The following CPLX4 variants were observed in gnomAD, a reference collection of about 807,000 sequenced individuals.
The protein encoded by CPLX4 is complexin-4.
In CPLX4, 17 loss-of-function variants were observed where a neutral mutation model predicts 16.1. The ratio of observed to expected loss-of-function variants is 1.06; its 90% confidence interval spans 0.72 to 1.59. The LOEUF is 1.59. CPLX4 is among the 40% of genes most tolerant of loss of function. The probability of loss-of-function intolerance (pLI) is 0.00; values close to 1 mark genes in which losing one functional copy is unlikely to be tolerated. For synonymous variants in CPLX4, 55 were observed against 57.8 expected (o/e 0.95, Z 0.22); for missense variants, 193 against 192.9 (o/e 1.00, Z 0.00).
intron 2 of CPLX4, among the ~76,000 whole-genome samples, chr18:59,308,955 G>C (rs575460118): frequency 7.0e-4 from 107 of 152,376 alleles, no homozygotes; most frequent in African/African-American, 2.4e-3. Flanking sequence ...GTTTGCAAGC[G>C]CAAAGTGTTG....
chr18:59,313,714 C>T (rs1179003160), intron 1 of CPLX4, among the ~76,000 whole-genome samples: 1 of 152,182 alleles, frequency 6.6e-6, no homozygotes, highest in Non-Finnish European at 1.5e-5. Flanking sequence ...AACAGATGAA[C>T]TTGGTAGCCA....
chr18:59,317,983 T>C (rs1170820343), intron 1 of CPLX4, among the ~76,000 whole-genome samples: 3 of 152,132 alleles, frequency 2.0e-5, no homozygotes, highest in African/African-American at 7.2e-5. Flanking sequence ...CCTACCACTT[T>C]TCATCTAAAT....
intron 2 of CPLX4, 139 bp from the exon 3 acceptor site, chr18:59,297,064 G>A: frequency 1.5e-6 from 2 of 1,364,892 alleles, no homozygotes; most frequent in Non-Finnish European, 1.9e-6. Flanking sequence ...AGCAGAGCCT[G>A]GTCCTGATGG....
chr18:59,296,514 G>T lies in CPLX4; in HGVS notation c.*184C>A. 1 of 645,692 alleles carries T rather than the reference G, an allele frequency of 1.5e-6. No individual in the cohort carries two copies. Among genetic ancestry groups the T allele is most frequent in the South Asian group, 1.9e-5 (1 of 51,578 alleles). 40.0% of individuals were successfully genotyped at this position (645,692 alleles called of 1,614,324 possible). On this transcript the variant is annotated 3_prime_UTR_variant, in exon 3 of 3. Coordinates refer to ENST00000299721, the MANE Select transcript of CPLX4 (RefSeq NM_181654.4). ...CTAAAAGGAAAGTAAGGTTCCCGCT[G>T]CAAGGTGTTAGCTAAATGCTCTGCC... is the stretch of plus-strand genomic sequence containing the variant.
intron 2 of CPLX4, among the ~76,000 whole-genome samples, chr18:59,304,751 T>C (rs966888690): frequency 5.4e-4 from 82 of 152,142 alleles, no homozygotes; most frequent in Non-Finnish European, 6.0e-4. Context: ...TTTGTATTTT[T>C]AGTAGAGACG....
rs1402881678 is a variant in CPLX4, at chr18:59,296,298, A to G, written c.*400T>C. 1 of 243,070 alleles carries G rather than the reference A, an allele frequency of 4.1e-6. No homozygotes were observed. The allele number at this position is 243,070 out of a possible 1,614,324, so 15.1% of individuals were successfully genotyped here. Reference sequence around the variant, plus strand: ...CCCAGTAGACACCTTGACTCTCCACATTTCTCTCTGAAGGGACCTGGTGTC... The same window carrying G: ...CCCAGTAGACACCTTGACTCTCCACGTTTCTCTCTGAAGGGACCTGGTGTC... On this transcript the variant is annotated 3_prime_UTR_variant, in exon 3 of 3. Transcript: ENST00000299721.
chr18:59,298,651 C>T, intron 2 of CPLX4, among the ~76,000 whole-genome samples: 1 of 151,580 alleles, frequency 6.6e-6, no homozygotes, highest in Admixed American at 6.6e-5. Context: ...GATCTGAATT[C>T]TCCCTGTCTG....
In CPLX4 at chr18:59,315,847, G is replaced by A. The variant is rs139843131; in HGVS notation, c.167+2449C>T. Among the ~76,000 whole-genome samples the A allele has an allele frequency of 8.1e-4, 123 of 152,218 alleles. 1 individual carries two copies. The highest frequency in any genetic ancestry group is 2.8e-3 in the African/African-American group (118 of 41,544). On this transcript the variant is annotated intron_variant, in intron 1 of 2. Transcript: ENST00000299721. The stretch of plus-strand genomic sequence containing the variant: ...CAAATAACTATAAACCCCATTGATC[G>A]ATTTGTTGATACTAATGCCACGCAG...
chr18:59,312,145 C>G (rs2070620861), intron 2 of CPLX4, among the ~76,000 whole-genome samples: 1 of 152,224 alleles, frequency 6.6e-6, no homozygotes, highest in Non-Finnish European at 1.5e-5. Context: ...AGGTACTGTA[C>G]CTGGTACCTA....
intron 2 of CPLX4, among the ~76,000 whole-genome samples, chr18:59,298,896 G>A (rs12961809): frequency 0.15 from 23,195 of 152,190 alleles, 2,020 homozygotes; most frequent in East Asian, 0.25. Flanking sequence ...AGTGACACAG[G>A]AGTCTGGCTC....
rs764112572 is a variant in CPLX4, at chr18:59,296,859, T to C, written c.322A>G (p.Lys108Glu). ...DDVDLPEDLR[K>E]MVDEDQEEEE... is the part of the protein sequence containing the mutation. ...TCTTCTTGATCTTCATCTACCATTT[T>C]CCGGAGATCTTCAGGTAAATCCACA... The change falls in exon 3 of 3, where the codon AAA (lysine) becomes GAA (glutamate). Residue 108 changes from lysine to glutamate, a missense_variant. Physicochemically the swap from Lys to Glu is moderately conservative, Grantham distance 56. Transcript: ENST00000299721. 2 of 1,613,700 alleles carry C rather than the reference T, an allele frequency of 1.2e-6. No individual in the cohort carries two copies. Among genetic ancestry groups the C allele is most frequent in the Admixed American group, 3.3e-5 (2 of 59,920 alleles).
intron 2 of CPLX4, among the ~76,000 whole-genome samples, chr18:59,297,465 A>G (rs1245170184): frequency 6.6e-6 from 1 of 151,974 alleles, no homozygotes; most frequent in Non-Finnish European, 1.5e-5. Context: ...TTTTTAGTAG[A>G]GACGGGGTTT....
intron 1 of CPLX4, among the ~76,000 whole-genome samples, chr18:59,313,316 C>T (rs561746633): frequency 1.5e-4 from 23 of 152,272 alleles, no homozygotes; most frequent in African/African-American, 5.5e-4. Context: ...TTGTTACTCT[C>T]TCCAGACCCC....
rs200966409 is a variant in CPLX4, at chr18:59,312,273, G to GT, written c.255+411dup. Among the ~76,000 whole-genome samples, 553 of 151,538 alleles carry GT rather than the reference G, an allele frequency of 3.6e-3. 4 individuals carry two copies. The highest frequency in any genetic ancestry group is 0.013 in the African/African-American group (522 of 41,342). Reference sequence around the variant, plus strand: ...ATGTCATCTATAGGTATTAACTCCAGTTTTTTTTAGCAACAGTGGAAGTTC... The same window carrying GT: ...ATGTCATCTATAGGTATTAACTCCAGTTTTTTTTTAGCAACAGTGGAAGTTC... On this transcript the variant is annotated intron_variant, in intron 2 of 2. Transcript: ENST00000299721.
At position 59,296,852 on chromosome 18, in the gene CPLX4, A is replaced by C; in HGVS notation, c.329T>G (p.Val110Gly). The C allele has an allele frequency of 4.4e-5, 71 of 1,613,712 alleles. No individual in the cohort carries two copies. Among genetic ancestry groups the C allele is most frequent in the Non-Finnish European group, 6.0e-5 (71 of 1,179,970 alleles). Reference sequence around the variant, plus strand: ...TTCTTCCTCTTCTTGATCTTCATCTACCATTTTCCGGAGATCTTCAGGTAA... The same window carrying C: ...TTCTTCCTCTTCTTGATCTTCATCTCCCATTTTCCGGAGATCTTCAGGTAA... ...VDLPEDLRKM[V>G]DEDQEEEEDK... Residue 110 changes from valine to glycine, a missense_variant, in exon 3 of 3, where the codon GTA (valine) becomes GGA (glycine). Val to Gly is a moderately radical substitution (Grantham distance 109, BLOSUM62 -3). Coordinates refer to ENST00000299721, the MANE Select transcript of CPLX4 (RefSeq NM_181654.4).
intron 1 of CPLX4, among the ~76,000 whole-genome samples, chr18:59,315,464 C>T (rs2070645286): frequency 6.6e-6 from 1 of 152,144 alleles, no homozygotes; most frequent in Non-Finnish European, 1.5e-5. Flanking sequence ...AATATATCCT[C>T]TCAGTCTGGC....
intron 2 of CPLX4, among the ~76,000 whole-genome samples, chr18:59,311,866 G>T (rs893064130): frequency 2.0e-5 from 3 of 152,152 alleles, no homozygotes; most frequent in Non-Finnish European, 2.9e-5. Flanking sequence ...CGACTCACTC[G>T]ACCACAGCCT....
chr18:59,305,616 G>T (rs2070571540), intron 2 of CPLX4, among the ~76,000 whole-genome samples: 1 of 152,170 alleles, frequency 6.6e-6, no homozygotes, highest in South Asian at 2.1e-4. Context: ...GAGCCTATAG[G>T]AGGAGCAGGT....
At chr18:59,314,684 A>G (rs1358762439) in intron 1 of CPLX4, among the ~76,000 whole-genome samples, 1 of 152,204 alleles carries the variant, frequency 6.6e-6, no homozygotes, top group Non-Finnish European at 1.5e-5. Context: ...CTAGCCCTAG[A>G]GGCAACCACC....
Sources: allele counts gnomAD v4.1 joint callset (sites outside exome capture counted in the v4.1 genomes callset), GRCh38; gene constraint gnomAD v4.1.1; transcripts MANE v1.5; gene names NCBI Gene and HGNC (gene_info 2026-07-23, HGNC 2026-07-21).